The following DNM3 variants were observed in gnomAD, a reference collection of about 807,000 sequenced individuals.
DNM3 encodes dynamin-3.
DNM3 carries 47 observed loss-of-function variants against 101.6 expected under a neutral mutation model. That is an observed-to-expected ratio of 0.46 (90% CI 0.37 to 0.59). The LOEUF (loss-of-function observed/expected upper bound fraction) is 0.59. Among genes scored for constraint, DNM3 ranks in the 20% least tolerant of loss-of-function variants. The probability of loss-of-function intolerance (pLI) is 0.00; values close to 1 mark genes in which losing one functional copy is unlikely to be tolerated. For synonymous variants in DNM3, 385 were observed against 387.9 expected (o/e 0.99, Z 0.09); for missense variants, 849 against 1,085.7 (o/e 0.78, Z 3.06).
chr1:172,175,943 C>A (rs1046896960), intron 14 of DNM3, among the ~76,000 whole-genome samples: 55 of 151,596 alleles, frequency 3.6e-4, no homozygotes, highest in African/African-American at 1.0e-3. Context: ...CTTTATAATC[C>A]CCTCTCATGT....
At chr1:172,004,580 G>A (rs1416341114) in intron 4 of DNM3, among the ~76,000 whole-genome samples, 1 of 151,930 alleles carries the variant, frequency 6.6e-6, no homozygotes, top group Non-Finnish European at 1.5e-5. Flanking sequence ...CAGCAACAAG[G>A]GGGAATAGAA....
At chr1:172,286,870 A>G (rs2063722318) in intron 15 of DNM3, among the ~76,000 whole-genome samples, 1 of 152,224 alleles carries the variant, frequency 6.6e-6, no homozygotes, top group South Asian at 2.1e-4. Context: ...AAGGCATGAA[A>G]CAAATAGATC....
intron 14 of DNM3, among the ~76,000 whole-genome samples, chr1:172,155,087 T>G (rs978836094): frequency 1.3e-5 from 2 of 152,070 alleles, no homozygotes; most frequent in Admixed American, 6.6e-5. Flanking sequence ...CTTATACAGT[T>G]TAAATATGTT....
At position 172,243,210 on chromosome 1, in the gene DNM3, T is replaced by C. The variant is rs141585733; in HGVS notation, c.1660-10363T>C. 3.0e-3 allele frequency among the ~76,000 whole-genome samples: 464 copies of C among 152,206 alleles called. 2 individuals carry two copies. Among genetic ancestry groups the C allele is most frequent in the Non-Finnish European group, 4.5e-3 (308 of 68,010 alleles). ...GACTATTTCTCTAAATTTAAGAATA[T>C]AGAGATTAAATATAAATATATGAGA... On this transcript the variant is annotated intron_variant, in intron 14 of 20. Transcript: ENST00000627582.
chr1:171,921,275 CAG>C lies in DNM3; in HGVS notation c.162-472_162-471del, dbSNP rs2040148897. Reference sequence around the variant, plus strand: ...GTTTCCTTTTATTGGAGAAAAGTGTCAGTATATTTAGAGGATACAATCTAATG... The same window carrying C: ...GTTTCCTTTTATTGGAGAAAAGTGTCTATATTTAGAGGATACAATCTAATG... On this transcript the variant is annotated intron_variant, in intron 1 of 20. Coordinates refer to ENST00000627582, the MANE Select transcript of DNM3 (RefSeq NM_015569.5). Among the ~76,000 whole-genome samples the C allele has an allele frequency of 3.9e-5, 6 of 152,076 alleles. No homozygotes were observed. The South Asian group carries it at 1.2e-3, about 32-fold the overall frequency.
In DNM3 at chr1:171,841,699, C is replaced by T. The variant is rs369144398; in HGVS notation, c.43C>T (p.Arg15Cys). ...GGAGGAGCTGATCCCGCTGGTGAAC[C>T]GTCTGCAGGACGCGTTTTCGGCGCT... The part of the protein sequence containing the change: ...EMEELIPLVN[R>C]LQDAFSALGQ... Residue 15 changes from arginine (R) to cysteine (C), a missense_variant, in exon 1 of 21, where the codon CGT becomes TGT. Arg to Cys is a radical substitution (Grantham distance 180, BLOSUM62 -3). Transcript: ENST00000627582. The T allele has an allele frequency of 6.3e-5, 102 of 1,611,864 alleles. No individual in the cohort carries two copies. Among genetic ancestry groups the T allele is most frequent in the Non-Finnish European group, 8.5e-5 (100 of 1,179,402 alleles).
chr1:172,208,423 T>C (rs1221042569), intron 14 of DNM3, among the ~76,000 whole-genome samples: 1 of 152,094 alleles, frequency 6.6e-6, no homozygotes, highest in African/African-American at 2.4e-5. Flanking sequence ...TTTAAATTAA[T>C]AGATTTAGAG....
At chr1:171,853,829 T>A (rs976455329) in intron 1 of DNM3, among the ~76,000 whole-genome samples, 10 of 152,320 alleles carry the variant, frequency 6.6e-5, no homozygotes, top group Middle Eastern at 6.8e-3. Flanking sequence ...GTTTAATATC[T>A]CTGTCCTCAG....
chr1:172,070,896 T>A (rs768383921), intron 11 of DNM3, among the ~76,000 whole-genome samples: 1 of 151,432 alleles, frequency 6.6e-6, no homozygotes, highest in Non-Finnish European at 1.5e-5. Context: ...GAGACCAGGC[T>A]GGGAAACATG....
At chr1:172,317,553 G>A (rs1389089008) in intron 16 of DNM3, among the ~76,000 whole-genome samples, 4 of 151,858 alleles carry the variant, frequency 2.6e-5, no homozygotes, top group Admixed American at 1.3e-4. Flanking sequence ...ATGATAAAGG[G>A]GATATCACCA....
intron 11 of DNM3, among the ~76,000 whole-genome samples, chr1:172,072,769 C>A (rs1315948428): frequency 6.6e-6 from 1 of 152,152 alleles, no homozygotes; most frequent in Non-Finnish European, 1.5e-5. Flanking sequence ...TGCCTGTAAT[C>A]CCAGCTACTT....
chr1:172,032,330 A>C, intron 4 of DNM3, 72 bp from the exon 5 acceptor site: 1 of 1,063,396 alleles, frequency 9.4e-7, no homozygotes, highest in South Asian at 1.3e-5. Flanking sequence ...TACATTTAGC[A>C]TTGTGACATA....
chr1:172,373,285 CAGTCATAAA>C (rs1377406572), intron 17 of DNM3, among the ~76,000 whole-genome samples: 1 of 152,054 alleles, frequency 6.6e-6, no homozygotes, highest in Non-Finnish European at 1.5e-5. Flanking sequence ...ATCTTGATCC[CAGTCATAAA>C]AGTCATTTAG....
chr1:171,890,945 G>C (rs887664175), intron 1 of DNM3, among the ~76,000 whole-genome samples: 2 of 152,206 alleles, frequency 1.3e-5, no homozygotes, highest in African/African-American at 4.8e-5. Context: ...TGGGATTACA[G>C]ATGTGAGCCA....
intron 14 of DNM3, among the ~76,000 whole-genome samples, chr1:172,157,619 T>A (rs889757571): frequency 2.0e-5 from 3 of 152,076 alleles, no homozygotes; most frequent in Non-Finnish European, 4.4e-5. Flanking sequence ...AAAAATTGGG[T>A]CTGTACTGAA....
intron 14 of DNM3, among the ~76,000 whole-genome samples, chr1:172,175,991 G>A (rs1320962421): frequency 6.6e-6 from 1 of 151,748 alleles, no homozygotes; most frequent in East Asian, 1.9e-4. Flanking sequence ...GGTAGGCTAA[G>A]TAATCCCTCC....
chr1:172,005,000 T>C (rs1417801039), intron 4 of DNM3, among the ~76,000 whole-genome samples: 2 of 152,056 alleles, frequency 1.3e-5, no homozygotes, highest in Non-Finnish European at 2.9e-5. Flanking sequence ...TTAATAAGAA[T>C]TTGCATTAAT....
At chr1:172,249,998 A>G (rs1222981526) in intron 14 of DNM3, among the ~76,000 whole-genome samples, 13 of 152,224 alleles carry the variant, frequency 8.5e-5, no homozygotes, top group Non-Finnish European at 1.3e-4. Flanking sequence ...TGCTTAAACA[A>G]TATATAAGCT....
In DNM3 at chr1:171,901,112, C is replaced by CAAAA. The variant is rs1243053508; in HGVS notation, c.162-20620_162-20617dup. On this transcript the variant is annotated intron_variant, in intron 1 of 20. Coordinates refer to ENST00000627582, the MANE Select transcript of DNM3 (RefSeq NM_015569.5). ...TGGGCGACAGAGCGAGACTCTGTCT[C>CAAAA]AAAAAAAAAAAAAAAAAAAGAAAGA... is the stretch of plus-strand genomic sequence containing the variant. Among the ~76,000 whole-genome samples the CAAAA allele has an allele frequency of 9.1e-4, 61 of 66,688 alleles. 6 individuals are homozygous for CAAAA. The highest frequency in any genetic ancestry group is 1.8e-3 in the African/African-American group (28 of 15,976). The allele number at this position is 66,688 out of a possible 152,430, so 43.7% of individuals were successfully genotyped here. A position where few individuals can be genotyped will look rare whatever the true frequency, so the allele number is the denominator to read the frequency against.
Sources: gnomAD v4.1 joint callset for allele counts (sites outside exome capture counted in the v4.1 genomes callset) on GRCh38, gnomAD v4.1.1 for gene constraint, MANE v1.5 for transcripts, NCBI Gene and HGNC (gene_info 2026-07-23, HGNC 2026-07-21) for gene names.